The following CLPB variants were observed in gnomAD, a reference collection of about 807,000 sequenced individuals.
CLPB encodes the protein mitochondrial disaggregase.
In CLPB, 40 loss-of-function variants were observed where a neutral mutation model predicts 78.4. The observed-to-expected ratio is 0.51, with a 90% CI of 0.40 to 0.66. The LOEUF (loss-of-function observed/expected upper bound fraction) is 0.66, where lower values mean the gene tolerates loss of function less well. CLPB is among the 30% of genes least tolerant of loss of function. The pLI is 0.00. For synonymous variants in CLPB, 333 were observed against 348.0 expected (o/e 0.96, Z 0.48); for missense variants, 780 against 886.9 (o/e 0.88, Z 1.53).
chr11:72,427,168 G>A (rs1482528263), intron 2 of CLPB, among the ~76,000 whole-genome samples: 1 of 152,088 alleles, frequency 6.6e-6, no homozygotes, highest in Non-Finnish European at 1.5e-5. Context: ...CCTTAAAGAG[G>A]AGGATCGAAT....
intron 4 of CLPB, among the ~76,000 whole-genome samples, chr11:72,364,364 T>C (rs909534990): frequency 6.6e-6 from 1 of 151,860 alleles, no homozygotes; most frequent in South Asian, 2.1e-4. Context: ...CGCGCCACCA[T>C]GCCCAGCTAA....
chr11:72,393,944 G>T lies in CLPB; in HGVS notation c.542+9022C>A, dbSNP rs1855329187. ...TACCTCCTCAAGCTTCATTAACTCT[G>T]TTGGCATTTATCAATGACCTCAATG... On this transcript the variant is annotated intron_variant, in intron 3 of 15. Coordinates refer to ENST00000538039, the MANE Select transcript of CLPB (RefSeq NM_001258392.3). Among the ~76,000 whole-genome samples, 3 of 152,034 alleles carry T rather than the reference G, an allele frequency of 2.0e-5. No individual in the cohort carries two copies. In the South Asian group the frequency reaches 6.2e-4, roughly 32 times the overall value.
At chr11:72,341,033 C>G (rs948946547) in intron 5 of CLPB, among the ~76,000 whole-genome samples, 1 of 152,098 alleles carries the variant, frequency 6.6e-6, no homozygotes, top group South Asian at 2.1e-4. Flanking sequence ...CTGTGTTAGC[C>G]AGGATGGTCA....
intron 4 of CLPB, among the ~76,000 whole-genome samples, chr11:72,360,000 T>C (rs1950804305): frequency 6.6e-6 from 1 of 152,206 alleles, no homozygotes; most frequent in Non-Finnish European, 1.5e-5. Flanking sequence ...CTTCTGCTGT[T>C]ATAGACAGTT....
At chr11:72,422,899 A>G (rs1251482577) in intron 2 of CLPB, among the ~76,000 whole-genome samples, 1 of 152,230 alleles carries the variant, frequency 6.6e-6, no homozygotes, top group Non-Finnish European at 1.5e-5. Flanking sequence ...TGGCACATGG[A>G]CAGCAAGTGC....
At chr11:72,390,320 C>T (rs929122536) in intron 3 of CLPB, among the ~76,000 whole-genome samples, 2 of 151,744 alleles carry the variant, frequency 1.3e-5, no homozygotes, top group African/African-American at 4.8e-5. Flanking sequence ...TACCTGTAAT[C>T]CCAACTAATC....
At chr11:72,310,738 G>A (rs1346304817) in intron 7 of CLPB, among the ~76,000 whole-genome samples, 3 of 152,166 alleles carry the variant, frequency 2.0e-5, no homozygotes, top group African/African-American at 7.2e-5. Flanking sequence ...TATTTGGGGA[G>A]GGAGATGTAC....
chr11:72,379,086 T>C (rs1854815261), intron 4 of CLPB, among the ~76,000 whole-genome samples: 1 of 152,204 alleles, frequency 6.6e-6, no homozygotes, highest in African/African-American at 2.4e-5. Flanking sequence ...ACTCCTCTCA[T>C]GCCACTGATT....
intron 9 of CLPB, among the ~76,000 whole-genome samples, chr11:72,305,212 G>T (rs1949724870): frequency 6.6e-6 from 1 of 152,204 alleles, no homozygotes; most frequent in South Asian, 2.1e-4. Context: ...TGAGAGACTG[G>T]ATTGATTCTG....
intron 5 of CLPB, among the ~76,000 whole-genome samples, chr11:72,352,144 G>A (rs979279767): frequency 2.6e-5 from 4 of 152,114 alleles, no homozygotes; most frequent in Admixed American, 6.6e-5. Context: ...GCACTCTTCT[G>A]TTTGGCTTGT....
chr11:72,315,710 G>C (rs923561859), intron 7 of CLPB, among the ~76,000 whole-genome samples: 2 of 152,146 alleles, frequency 1.3e-5, no homozygotes. Context: ...AATTCATTCT[G>C]CGGCACTTCT....
intron 5 of CLPB, among the ~76,000 whole-genome samples, chr11:72,345,502 G>C (rs1371005117): frequency 6.6e-6 from 1 of 152,098 alleles, no homozygotes; most frequent in African/African-American, 2.4e-5. Context: ...AGAAACACAG[G>C]GAGGATAAAC....
At chr11:72,417,147 T>C (rs1473317225) in intron 2 of CLPB, among the ~76,000 whole-genome samples, 2 of 152,202 alleles carry the variant, frequency 1.3e-5, no homozygotes, top group Non-Finnish European at 1.5e-5. Flanking sequence ...TTATTCATAA[T>C]AGCTAAAAAG....
intron 5 of CLPB, chr11:72,354,343 G>A: frequency 5.0e-6 from 2 of 398,034 alleles, no homozygotes; most frequent in Admixed American, 4.4e-5. Context: ...TAATTCCTGT[G>A]TACGATGGAT....
intron 4 of CLPB, among the ~76,000 whole-genome samples, chr11:72,362,083 C>G (rs1283037784): frequency 1.3e-5 from 2 of 152,236 alleles, no homozygotes; most frequent in African/African-American, 4.8e-5. Flanking sequence ...CATCACCTTT[C>G]TAATGCTCTT....
chr11:72,357,912 G>T (rs1350932412), intron 5 of CLPB, among the ~76,000 whole-genome samples: 2 of 152,214 alleles, frequency 1.3e-5, no homozygotes, highest in African/African-American at 4.8e-5. Context: ...GAAGACCCTG[G>T]GGTCTAGCCC....
intron 1 of CLPB, among the ~76,000 whole-genome samples, chr11:72,430,918 C>T (rs1329546174): frequency 1.3e-5 from 2 of 152,188 alleles, no homozygotes; most frequent in African/African-American, 4.8e-5. Flanking sequence ...ACCACGTGAC[C>T]ATGACAGCTC....
At chr11:72,346,484 G>A (rs942622143) in intron 5 of CLPB, among the ~76,000 whole-genome samples, 3 of 151,480 alleles carry the variant, frequency 2.0e-5, no homozygotes, top group Non-Finnish European at 2.9e-5. Flanking sequence ...AAAAAAATCC[G>A]AGGGCTCCTC....
chr11:72,360,306 C>T (rs1290997640), intron 4 of CLPB, among the ~76,000 whole-genome samples: 1 of 152,210 alleles, frequency 6.6e-6, no homozygotes, highest in Non-Finnish European at 1.5e-5. Context: ...GGCGATCTTA[C>T]CTATGTAGTC....
Sources: allele counts gnomAD v4.1 joint callset (sites outside exome capture counted in the v4.1 genomes callset), GRCh38; gene constraint gnomAD v4.1.1; transcripts MANE v1.5; gene names NCBI Gene and HGNC (gene_info 2026-07-23, HGNC 2026-07-21).